Variants in NRXN3 observed in about 807,000 individuals in gnomAD.
NRXN3 encodes the protein neurexin 3, also known as neurexin III.
In NRXN3, 32 loss-of-function variants were observed where a neutral mutation model predicts 137.6. The observed-to-expected ratio is 0.23, with a 90% CI of 0.18 to 0.31. The LOEUF is 0.31. Among genes scored for constraint, NRXN3 ranks in the 10% least tolerant of loss-of-function variants. The pLI is 1.00. For synonymous variants in NRXN3, 798 were observed against 784.5 expected (o/e 1.02, Z -0.29); for missense variants, 1,574 against 2,062.5 (o/e 0.76, Z 4.59).
intron 16 of NRXN3, among the ~76,000 whole-genome samples, chr14:79,499,947 T>A (rs906496263): frequency 2.3e-5 from 3 of 130,394 alleles, no homozygotes; most frequent in African/African-American, 9.0e-5. Flanking sequence ...CTGTCAGTTA[T>A]CTTAGGGTCG....
At chr14:78,558,754 TAGA>T (rs2096760969) in intron 4 of NRXN3, among the ~76,000 whole-genome samples, 1 of 152,188 alleles carries the variant, frequency 6.6e-6, no homozygotes, top group Non-Finnish European at 1.5e-5. Flanking sequence ...TGGACTAAAG[TAGA>T]AGGAGATGAA....
chr14:78,728,540 G>C (rs2098498290), intron 8 of NRXN3, among the ~76,000 whole-genome samples: 1 of 152,142 alleles, frequency 6.6e-6, no homozygotes, highest in Non-Finnish European at 1.5e-5. Flanking sequence ...ACCTGCATGT[G>C]CCAGGTATAA....
intron 20 of NRXN3, among the ~76,000 whole-genome samples, chr14:79,831,054 G>A (rs911501799): frequency 2.9e-5 from 4 of 137,228 alleles, no homozygotes; most frequent in South Asian, 2.3e-4. Context: ...TTTAAAGATC[G>A]ACAGTCCTAT....
chr14:79,649,890 T>C (rs530657805), intron 16 of NRXN3, among the ~76,000 whole-genome samples: 71 of 152,316 alleles, frequency 4.7e-4, no homozygotes, highest in African/African-American at 1.7e-3. Flanking sequence ...AAATATTTAT[T>C]GCTCCCCATT....
intron 4 of NRXN3, among the ~76,000 whole-genome samples, chr14:78,518,606 C>T (rs944258940): frequency 1.3e-5 from 2 of 152,126 alleles, no homozygotes; most frequent in African/African-American, 2.4e-5. Flanking sequence ...GTACAAAATG[C>T]GAGCTCTTAC....
intron 17 of NRXN3, among the ~76,000 whole-genome samples, chr14:79,675,204 C>G (rs2098634136): frequency 6.6e-6 from 1 of 151,928 alleles, no homozygotes; most frequent in Non-Finnish European, 1.5e-5. Flanking sequence ...CCTTTTCCCC[C>G]AAAGGCCAAA....
intron 20 of NRXN3, among the ~76,000 whole-genome samples, chr14:79,818,428 C>A (rs548194563): frequency 6.6e-6 from 1 of 152,176 alleles, no homozygotes; most frequent in Non-Finnish European, 1.5e-5. Flanking sequence ...CCACCTTTAA[C>A]TGATGTTAGG....
At chr14:78,639,207 G>A (rs2097593242) in intron 4 of NRXN3, among the ~76,000 whole-genome samples, 1 of 152,220 alleles carries the variant, frequency 6.6e-6, no homozygotes, top group African/African-American at 2.4e-5. Context: ...TTCCAGGTGG[G>A]CCAGGCCAGG....
chr14:78,679,214 C>G, intron 6 of NRXN3, among the ~76,000 whole-genome samples: 1 of 152,058 alleles, frequency 6.6e-6, no homozygotes, highest in East Asian at 1.9e-4. Flanking sequence ...TTAGTAGATA[C>G]GAAATCCTTA....
chr14:79,502,340 C>T (rs2096833551), intron 16 of NRXN3, among the ~76,000 whole-genome samples: 1 of 152,154 alleles, frequency 6.6e-6, no homozygotes, highest in African/African-American at 2.4e-5. Flanking sequence ...AGGGCAGACC[C>T]TCCGAGTGAA....
intron 15 of NRXN3, 126 bp from the exon 16 acceptor site, chr14:79,467,095 C>A: frequency 2.2e-6 from 2 of 902,780 alleles, no homozygotes; most frequent in Non-Finnish European, 3.2e-6. Flanking sequence ...CTCTCAGTAA[C>A]CAAATACTGT....
intron 4 of NRXN3, among the ~76,000 whole-genome samples, chr14:78,439,532 G>A (rs1162377577): frequency 1.3e-5 from 2 of 152,214 alleles, no homozygotes; most frequent in East Asian, 3.8e-4. Context: ...CTGTGGTCAC[G>A]CAGCTAGTAA....
At chr14:79,035,888 A>C (rs1209944729) in intron 15 of NRXN3, among the ~76,000 whole-genome samples, 1 of 152,112 alleles carries the variant, frequency 6.6e-6, no homozygotes, top group Non-Finnish European at 1.5e-5. Context: ...CTACTTTATA[A>C]ACAAATATAA....
At chr14:78,527,822 T>C (rs560229003) in intron 4 of NRXN3, among the ~76,000 whole-genome samples, 2 of 152,224 alleles carry the variant, frequency 1.3e-5, no homozygotes, top group Non-Finnish European at 2.9e-5. Flanking sequence ...CAGGACAATA[T>C]CTCTCTTATT....
intron 16 of NRXN3, among the ~76,000 whole-genome samples, chr14:79,567,221 A>T (rs2153790748): frequency 6.6e-6 from 1 of 152,106 alleles, no homozygotes; most frequent in South Asian, 2.1e-4. Context: ...AATACAGTTT[A>T]GGCTAGCTTG....
intron 17 of NRXN3, 48 bp downstream of exon 17, chr14:79,663,997 CT>C: frequency 1.3e-6 from 2 of 1,585,882 alleles, no homozygotes; most frequent in South Asian, 2.2e-5. Context: ...CTCTCCCATT[CT>C]CACTTTTCAG....
chr14:79,385,217 A>G (rs369927300), intron 15 of NRXN3, among the ~76,000 whole-genome samples: 1 of 37,918 alleles, frequency 2.6e-5, no homozygotes, highest in Non-Finnish European at 6.1e-5. Flanking sequence ...CCCCGCCCCC[A>G]CCCCACCACA....
intron 15 of NRXN3, among the ~76,000 whole-genome samples, chr14:79,240,060 G>T (rs759272972): frequency 4.6e-5 from 7 of 152,022 alleles, no homozygotes; most frequent in Non-Finnish European, 1.0e-4. Context: ...TAGTTAGAAG[G>T]AATTGATGAT....
At chr14:78,286,635 G>A (rs1485729208) in intron 3 of NRXN3, among the ~76,000 whole-genome samples, 1 of 152,202 alleles carries the variant, frequency 6.6e-6, no homozygotes, top group African/African-American at 2.4e-5. Flanking sequence ...GGAGGCATCT[G>A]AGGATGCACT....
Sources: gnomAD v4.1 joint callset for allele counts (sites outside exome capture counted in the v4.1 genomes callset) on GRCh38, gnomAD v4.1.1 for gene constraint, MANE v1.5 for transcripts, NCBI Gene and HGNC (gene_info 2026-07-23, HGNC 2026-07-21) for gene names.